The following PCDH15 variants were observed in gnomAD, a reference collection of about 807,000 sequenced individuals.
PCDH15 encodes the protein protocadherin-15.
PCDH15 carries 129 observed loss-of-function variants against 178.5 expected under a neutral mutation model. The observed-to-expected ratio is 0.72, with a 90% CI of 0.63 to 0.84. The LOEUF is 0.84. Among genes scored for constraint, PCDH15 ranks in the 40% least tolerant of loss-of-function variants. PCDH15 has a pLI of 0.00. For missense variants in PCDH15, 2,230 were observed against 2,099.9 expected, an observed-to-expected ratio of 1.06 and a Z score of -1.21; for synonymous variants, 800 against 732.0, an observed-to-expected ratio of 1.09 and a Z score of -1.50.
chr10:55,454,603 C>T (rs1282284688), intron 2 of PCDH15, among the ~76,000 whole-genome samples: 1 of 137,312 alleles, frequency 7.3e-6, no homozygotes, highest in Admixed American at 7.6e-5. Flanking sequence ...CAGTGAAACC[C>T]CGTCTCTACT....
At chr10:53,897,530 T>C (rs1351296923) in intron 26 of PCDH15, among the ~76,000 whole-genome samples, 2 of 152,230 alleles carry the variant, frequency 1.3e-5, no homozygotes, top group Non-Finnish European at 1.5e-5. Context: ...TGTGGTAAAA[T>C]GTACGTAACA....
At chr10:54,524,673 A>T (rs1245689321) in intron 3 of PCDH15, among the ~76,000 whole-genome samples, 3 of 152,234 alleles carry the variant, frequency 2.0e-5, no homozygotes, top group East Asian at 3.8e-4. Context: ...TTAAACATAG[A>T]TAATGTGATC....
chr10:55,493,434 C>G (rs1049223216), intron 2 of PCDH15, among the ~76,000 whole-genome samples: 1 of 151,244 alleles, frequency 6.6e-6, no homozygotes, highest in Non-Finnish European at 1.5e-5. Flanking sequence ...TGTAGCTACT[C>G]AGGAGGCTGG....
chr10:54,172,122 G>A (rs1198301257), intron 13 of PCDH15, among the ~76,000 whole-genome samples: 4 of 152,102 alleles, frequency 2.6e-5, no homozygotes, highest in Admixed American at 6.5e-5. Flanking sequence ...ACGCCCAGAT[G>A]GCCTGAAGTA....
chr10:54,701,067 T>C (rs571300382), intron 1 of PCDH15, among the ~76,000 whole-genome samples: 11 of 152,232 alleles, frequency 7.2e-5, no homozygotes, highest in African/African-American at 2.6e-4. Flanking sequence ...TTCAGTATAT[T>C]TTTTAAGTGA....
At chr10:54,405,948 C>T (rs1013346407) in intron 3 of PCDH15, among the ~76,000 whole-genome samples, 1 of 151,640 alleles carries the variant, frequency 6.6e-6, no homozygotes, top group Non-Finnish European at 1.5e-5. Flanking sequence ...CTTATTTCTA[C>T]CATATTGGTC....
In PCDH15 at chr10:55,443,610, T is replaced by C. The variant is rs1839246811; in HGVS notation, c.-156+184015A>G. On this transcript the variant is annotated intron_variant, in intron 2 of 5. Coordinates refer to the PCDH15 transcript ENST00000613346. ...TACCATCTTGCTCCATTTAGAATGG[T>C]GATCATTAAAAAGTCAGGGAACAAA... Among the ~76,000 whole-genome samples, 3 of 152,026 alleles carry C rather than the reference T, an allele frequency of 2.0e-5. No individual in the cohort carries two copies. In the South Asian group the frequency reaches 6.2e-4, roughly 32 times the overall value.
intron 2 of PCDH15, among the ~76,000 whole-genome samples, chr10:55,550,956 TTC>T (rs994256231): frequency 2.6e-5 from 4 of 152,128 alleles, no homozygotes; most frequent in Non-Finnish European, 4.4e-5. Context: ...ATGAATTCTA[TTC>T]TGTTTTCCCT....
rs568296049 is a variant in PCDH15, at chr10:54,875,756, C to T, written c.-29+21694G>A. Among the ~76,000 whole-genome samples, 164 of 152,194 alleles carry T rather than the reference C, an allele frequency of 1.1e-3. 1 individual carries two copies. In the Middle Eastern group the frequency reaches 0.017, roughly 16 times the overall value. Reference sequence around the variant, plus strand: ...AAAACTGAAAGAGGTAAGGAAGCTGCAGAAGAAAAGGTTGAAGCTAGTAGG... The same window carrying T: ...AAAACTGAAAGAGGTAAGGAAGCTGTAGAAGAAAAGGTTGAAGCTAGTAGG... On this transcript the variant is annotated intron_variant, in intron 3 of 5. Transcript: ENST00000458638.
chr10:54,226,804 C>G (rs2053500107), intron 9 of PCDH15, among the ~76,000 whole-genome samples: 1 of 152,170 alleles, frequency 6.6e-6, no homozygotes, highest in South Asian at 2.1e-4. Context: ...TACAGCCATT[C>G]CAAATGGGAG....
chr10:54,257,400 C>CTTT (rs1242208948), intron 8 of PCDH15, among the ~76,000 whole-genome samples: 3 of 68,818 alleles, frequency 4.4e-5, no homozygotes, highest in African/African-American at 1.7e-4. Flanking sequence ...AGAGAATTGT[C>CTTT]TTCTTTTTTT....
intron 2 of PCDH15, among the ~76,000 whole-genome samples, chr10:55,436,911 G>T (rs1839054595): frequency 6.6e-6 from 1 of 152,034 alleles, no homozygotes; most frequent in Non-Finnish European, 1.5e-5. Flanking sequence ...TTCATAAAGG[G>T]TTATCTTCTG....
intron 3 of PCDH15, among the ~76,000 whole-genome samples, chr10:54,437,440 G>C (rs942927422): frequency 6.6e-6 from 1 of 152,290 alleles, no homozygotes; most frequent in East Asian, 1.9e-4. Flanking sequence ...GCAATGTACA[G>C]CCATATCCTA....
intron 6 of PCDH15, among the ~76,000 whole-genome samples, chr10:54,345,216 C>T (rs975465370): frequency 6.6e-6 from 1 of 151,988 alleles, no homozygotes; most frequent in African/African-American, 2.4e-5. Flanking sequence ...CCACAATTTA[C>T]TTAACATAAT....
rs115526175 is a variant in PCDH15 at position 55,562,462 on chromosome 10, A to G, written c.-156+65163T>C. Reference sequence around the variant, plus strand: ...TCTAACGTCATTTTCCAGAAAATAAATGTGAGGCATCATGTTCAGTAAAAT... The same window carrying G: ...TCTAACGTCATTTTCCAGAAAATAAGTGTGAGGCATCATGTTCAGTAAAAT... On this transcript the variant is annotated intron_variant, in intron 2 of 5. Coordinates refer to the PCDH15 transcript ENST00000613346. Among the ~76,000 whole-genome samples the G allele has an allele frequency of 4.6e-3, 703 of 152,092 alleles. 6 individuals are homozygous for G. The highest frequency in any genetic ancestry group is 0.016 in the African/African-American group (670 of 41,532).
At chr10:54,889,427 A>G (rs933594519) in intron 3 of PCDH15, among the ~76,000 whole-genome samples, 3 of 151,300 alleles carry the variant, frequency 2.0e-5, no homozygotes, top group Admixed American at 2.0e-4. Flanking sequence ...CGCACAGAAC[A>G]GAATACTTCA....
chr10:55,546,815 G>A (rs1458480785), intron 2 of PCDH15, among the ~76,000 whole-genome samples: 1 of 152,080 alleles, frequency 6.6e-6, no homozygotes, highest in Non-Finnish European at 1.5e-5. Flanking sequence ...GTCCTCTGAG[G>A]CTCAGATGAA....
intron 16 of PCDH15, among the ~76,000 whole-genome samples, chr10:54,080,879 G>T (rs1398084777): frequency 2.6e-5 from 4 of 152,074 alleles, no homozygotes; most frequent in Admixed American, 2.6e-4. Context: ...CATTAAATGA[G>T]AAAAGTAAGA....
chr10:55,135,329 T>A (rs920545916), intron 2 of PCDH15, among the ~76,000 whole-genome samples: 4 of 152,012 alleles, frequency 2.6e-5, no homozygotes, highest in African/African-American at 9.7e-5. Flanking sequence ...CTGCCTTACA[T>A]CTAAGTAAGC....
Sources: allele counts gnomAD v4.1 joint callset (sites outside exome capture counted in the v4.1 genomes callset), GRCh38; gene constraint gnomAD v4.1.1; transcripts MANE v1.5; gene names NCBI Gene and HGNC (gene_info 2026-07-23, HGNC 2026-07-21).